The following FOXP2 variants were observed in gnomAD, a reference collection of about 807,000 sequenced individuals.
FOXP2 encodes the protein forkhead box P2, also known as forkhead box protein P2.
FOXP2 carries 12 observed loss-of-function variants against 115.8 expected under a neutral mutation model. That is an observed-to-expected ratio of 0.10 (90% CI 0.07 to 0.17). FOXP2 has a LOEUF of 0.17. Ranked by LOEUF, FOXP2 falls within the 10% of genes least tolerant of loss-of-function variation. The pLI is 1.00. For missense variants in FOXP2, 629 were observed against 843.5 expected, an observed-to-expected ratio of 0.75 and a Z score of 3.15; for synonymous variants, 328 against 297.7, an observed-to-expected ratio of 1.10 and a Z score of -1.05.
At chr7:114,653,861 C>G in intron 9 of FOXP2, 65 bp from the exon 10 acceptor site, 1 of 1,446,076 alleles carries the variant, frequency 6.9e-7, no homozygotes, top group East Asian at 2.3e-5. Flanking sequence ...TAAGATGTAT[C>G]ACTGCAATAA....
intron 3 of FOXP2, among the ~76,000 whole-genome samples, chr7:114,620,726 A>C (rs1804204245): frequency 6.6e-6 from 1 of 152,070 alleles, no homozygotes; most frequent in Non-Finnish European, 1.5e-5. Context: ...TAGAAGATAT[A>C]AAAAGGACTC....
chr7:114,588,178 T>C (rs1802247306), intron 3 of FOXP2, among the ~76,000 whole-genome samples: 1 of 151,446 alleles, frequency 6.6e-6, no homozygotes, highest in Non-Finnish European at 1.5e-5. Flanking sequence ...AGGATGATGG[T>C]GGGTGCCTGT....
chr7:114,412,755 C>T (rs942952132), upstream of FOXP2, among the ~76,000 whole-genome samples: 8 of 152,066 alleles, frequency 5.3e-5, no homozygotes, highest in African/African-American at 1.9e-4. Flanking sequence ...TGAGGCTGTC[C>T]GCTTTGTGTC....
At chr7:114,235,043 G>T (rs1193480301) in intron 1 of FOXP2, among the ~76,000 whole-genome samples, 1 of 151,960 alleles carries the variant, frequency 6.6e-6, no homozygotes, top group African/African-American at 2.4e-5. Context: ...TCAGAATACT[G>T]TATATAACCT....
intron 2 of FOXP2, among the ~76,000 whole-genome samples, chr7:114,495,529 G>A (rs1797281195): frequency 1.2e-5 from 1 of 82,548 alleles, no homozygotes; most frequent in Admixed American, 1.8e-4. Flanking sequence ...TGTTGAGACA[G>A]AGTTTCACCC....
chr7:114,544,064 C>T (rs1440996348), intron 3 of FOXP2, among the ~76,000 whole-genome samples: 1 of 151,988 alleles, frequency 6.6e-6, no homozygotes, highest in Non-Finnish European at 1.5e-5. Flanking sequence ...CTATGTTGCC[C>T]AGGCTGGGCT....
intron 1 of FOXP2, among the ~76,000 whole-genome samples, chr7:114,208,082 C>A (rs1372507362): frequency 6.6e-6 from 1 of 152,172 alleles, no homozygotes; most frequent in Non-Finnish European, 1.5e-5. Flanking sequence ...TCCACTGACA[C>A]CTTTCACTGT....
At chr7:114,318,710 C>CATATATATATATATATATATAT (rs144291161) in intron 2 of FOXP2, among the ~76,000 whole-genome samples, 33 of 147,408 alleles carry the variant, frequency 2.2e-4, no homozygotes, top group African/African-American at 7.7e-4. Flanking sequence ...TTAGATAATT[C>CATATATATATATATATATATAT]ATATATATAT....
At chr7:114,575,022 G>A (rs1393673349) in intron 3 of FOXP2, among the ~76,000 whole-genome samples, 1 of 151,682 alleles carries the variant, frequency 6.6e-6, no homozygotes, top group Admixed American at 6.6e-5. Context: ...AAGAAAACAG[G>A]GATAGTGATG....
chr7:114,409,981 G>A (rs1004550423), upstream of FOXP2, among the ~76,000 whole-genome samples: 7 of 152,042 alleles, frequency 4.6e-5, no homozygotes, highest in Non-Finnish European at 1.0e-4. Flanking sequence ...CCTTGGGATA[G>A]AACTCATCAT....
chr7:114,095,593 A>G (rs1461175707), intron 1 of FOXP2, among the ~76,000 whole-genome samples: 1 of 152,140 alleles, frequency 6.6e-6, no homozygotes, highest in Non-Finnish European at 1.5e-5. Context: ...GGAGTTGATC[A>G]CATTAGGATT....
chr7:114,143,354 T>C (rs745873832), intron 1 of FOXP2, among the ~76,000 whole-genome samples: 2 of 152,004 alleles, frequency 1.3e-5, no homozygotes. Flanking sequence ...TCTCTTGAGA[T>C]TGAGTTTTTC....
Position 114,693,297 on chromosome 7 carries a change from T to C in FOXP2, c.*3371T>C, listed in dbSNP as rs1808774284. The C allele has an allele frequency of 2.2e-6, 1 of 452,176 alleles. No individual in the cohort carries two copies. The highest frequency in any genetic ancestry group is 2.0e-5 in the African/African-American group (1 of 49,918). 28.0% of individuals were successfully genotyped at this position (452,176 alleles called of 1,614,324 possible). The stretch of plus-strand genomic sequence containing the variant: ...TTCATAAGAATGCATTTCTTTGTGA[T>C]TAGGGAATCGAAGAATAGTCAGCTA... On this transcript the variant is annotated 3_prime_UTR_variant, in exon 17 of 17. Coordinates refer to ENST00000350908, the MANE Select transcript of FOXP2 (RefSeq NM_014491.4).
chr7:114,470,824 C>T (rs1031642111), intron 2 of FOXP2, among the ~76,000 whole-genome samples: 24 of 152,048 alleles, frequency 1.6e-4, no homozygotes, highest in Non-Finnish European at 1.6e-4. Context: ...GTTTTTATCT[C>T]TCCCTCGGGG....
chr7:114,628,836 T>A, intron 4 of FOXP2, 159 bp downstream of exon 4: 1 of 832,240 alleles, frequency 1.2e-6, no homozygotes, highest in Non-Finnish European at 1.9e-6. Context: ...ATAGAACTCG[T>A]AAGAAAATCT....
At chr7:114,129,005 A>T (rs1239259008) in intron 1 of FOXP2, among the ~76,000 whole-genome samples, 2 of 152,150 alleles carry the variant, frequency 1.3e-5, no homozygotes, top group East Asian at 3.9e-4. Flanking sequence ...AATACCTTGG[A>T]TATCTGGCTG....
intron 2 of FOXP2, among the ~76,000 whole-genome samples, chr7:114,359,534 A>G (rs537621985): frequency 1.3e-5 from 2 of 152,286 alleles, no homozygotes; most frequent in South Asian, 4.1e-4. Flanking sequence ...GATACTCAAC[A>G]CCAGCCTGTG....
At chr7:114,473,642 G>A (rs958268896) in intron 2 of FOXP2, among the ~76,000 whole-genome samples, 7 of 151,940 alleles carry the variant, frequency 4.6e-5, no homozygotes, top group African/African-American at 1.7e-4. Context: ...TGGCAAAAAG[G>A]GAGCCCTCCC....
At chr7:114,450,139 T>C (rs1436702244) in intron 2 of FOXP2, among the ~76,000 whole-genome samples, 1 of 152,136 alleles carries the variant, frequency 6.6e-6, no homozygotes, top group Non-Finnish European at 1.5e-5. Flanking sequence ...ACACTAGCTT[T>C]GAAACTCAAT....
Sources: allele counts gnomAD v4.1 joint callset (sites outside exome capture counted in the v4.1 genomes callset), GRCh38; gene constraint gnomAD v4.1.1; transcripts MANE v1.5; gene names NCBI Gene and HGNC (gene_info 2026-07-23, HGNC 2026-07-21).